Variants in FSTL5 observed in about 807,000 individuals in gnomAD.
The protein encoded by FSTL5 is follistatin-related protein 5.
Under a neutral mutation model 89.1 loss-of-function variants are expected in FSTL5, and 62 were observed. The ratio of observed to expected loss-of-function variants is 0.70; its 90% CI spans 0.57 to 0.86. The LOEUF (loss-of-function observed/expected upper bound fraction) is 0.86, where lower values mean the gene tolerates loss of function less well. Among genes scored for constraint, FSTL5 ranks in the 40% least tolerant of loss-of-function variants. The pLI is 0.00. For synonymous variants in FSTL5, 383 were observed against 346.2 expected (o/e 1.11, Z -1.18); for missense variants, 1,057 against 1,001.6 (o/e 1.06, Z -0.75).
chr4:161,922,981 A>C (rs952649662), intron 3 of FSTL5, among the ~76,000 whole-genome samples: 1 of 151,922 alleles, frequency 6.6e-6, no homozygotes, highest in African/African-American at 2.4e-5. Flanking sequence ...ACTGTACCCT[A>C]ACTTATTAGT....
chr4:161,643,118 A>C (rs1736023319), intron 7 of FSTL5, among the ~76,000 whole-genome samples: 1 of 152,190 alleles, frequency 6.6e-6, no homozygotes, highest in Admixed American at 6.5e-5. Context: ...TTAAGTATTC[A>C]TTAAGTGCTA....
chr4:161,917,200 C>A lies in FSTL5; in HGVS notation c.409+3204G>T, dbSNP rs542507539. On this transcript the variant is annotated intron_variant, in intron 4 of 15. Coordinates refer to ENST00000306100, the MANE Select transcript of FSTL5 (RefSeq NM_020116.5). Reference sequence around the variant, plus strand: ...ATTGAACTCCTGGCCTCGTGATCCACCCGCCTCGGCCTCCCAAAGTCCTGG... The same window carrying A: ...ATTGAACTCCTGGCCTCGTGATCCAACCGCCTCGGCCTCCCAAAGTCCTGG... Among the ~76,000 whole-genome samples, 8 of 152,276 alleles carry A rather than the reference C, an allele frequency of 5.3e-5. No homozygotes were observed. In the South Asian group the frequency reaches 1.7e-3, roughly 32 times the overall value.
intron 7 of FSTL5, among the ~76,000 whole-genome samples, chr4:161,644,485 C>T (rs1057214866): frequency 6.7e-6 from 1 of 150,094 alleles, no homozygotes; most frequent in Non-Finnish European, 1.5e-5. Flanking sequence ...GAGGCCGCAC[C>T]ATTGCACTGC....
chr4:161,761,942 T>C (rs1740825474), intron 5 of FSTL5, among the ~76,000 whole-genome samples: 1 of 152,184 alleles, frequency 6.6e-6, no homozygotes, highest in Non-Finnish European at 1.5e-5. Flanking sequence ...CTCTCCTTCA[T>C]GTGTCCTGAG....
chr4:161,775,152 A>C (rs1579082899), intron 5 of FSTL5, among the ~76,000 whole-genome samples: 1 of 152,276 alleles, frequency 6.6e-6, no homozygotes, highest in Admixed American at 6.5e-5. Flanking sequence ...AGCATATTAT[A>C]AAAATGGTCT....
chr4:161,530,116 T>G (rs773477114), intron 10 of FSTL5, among the ~76,000 whole-genome samples: 2 of 142,928 alleles, frequency 1.4e-5, no homozygotes, highest in Admixed American at 7.5e-5. Context: ...AGAGGTTAAT[T>G]AATTTGTTTA....
At chr4:161,730,137 C>A (rs1739556099) in intron 6 of FSTL5, among the ~76,000 whole-genome samples, 1 of 152,012 alleles carries the variant, frequency 6.6e-6, no homozygotes, top group Non-Finnish European at 1.5e-5. Flanking sequence ...GTCTAAGTTT[C>A]TGAGTTTTGT....
Position 161,925,633 on chromosome 4 carries a change from G to C in FSTL5, c.161-4981C>G, listed in dbSNP as rs182701701. On this transcript the variant is annotated intron_variant, in intron 3 of 15. Coordinates refer to ENST00000306100, the MANE Select transcript of FSTL5 (RefSeq NM_020116.5). ...ATCATGTGGTTGTTAAGAATATTAA[G>C]TAGAATAATGCACTGAAAATTCCTG... Among the ~76,000 whole-genome samples the C allele has an allele frequency of 3.4e-3, 521 of 151,904 alleles. 4 individuals are homozygous for C. Among genetic ancestry groups the C allele is most frequent in the African/African-American group, 0.012 (501 of 41,486 alleles).
chr4:161,834,584 G>A (rs1340909879), intron 4 of FSTL5, among the ~76,000 whole-genome samples: 1 of 152,138 alleles, frequency 6.6e-6, no homozygotes. Context: ...TCCTTAAGCT[G>A]ATAAGCAACT....
intron 4 of FSTL5, among the ~76,000 whole-genome samples, chr4:161,902,723 C>T (rs987687538): frequency 6.6e-6 from 1 of 152,014 alleles, no homozygotes; most frequent in African/African-American, 2.4e-5. Flanking sequence ...ATGGTGGGCG[C>T]CTGTAATCCC....
At chr4:161,984,679 A>T (rs1735913835) in intron 3 of FSTL5, among the ~76,000 whole-genome samples, 1 of 152,072 alleles carries the variant, frequency 6.6e-6, no homozygotes, top group Non-Finnish European at 1.5e-5. Flanking sequence ...AATTTACTTT[A>T]GCTTACAAAT....
chr4:161,446,866 T>A (rs142090506), intron 15 of FSTL5, among the ~76,000 whole-genome samples: 1 of 152,162 alleles, frequency 6.6e-6, no homozygotes, highest in African/African-American at 2.4e-5. Context: ...AACGGAGTAA[T>A]CTCTGCAACC....
intron 15 of FSTL5, among the ~76,000 whole-genome samples, chr4:161,426,363 A>C (rs1732167881): frequency 6.6e-6 from 1 of 152,224 alleles, no homozygotes; most frequent in Non-Finnish European, 1.5e-5. Flanking sequence ...TGAGAATATA[A>C]GAAAGAGTCA....
chr4:162,156,394 A>T (rs1733473423), intron 1 of FSTL5, among the ~76,000 whole-genome samples: 1 of 152,178 alleles, frequency 6.6e-6, no homozygotes, highest in Admixed American at 6.6e-5. Flanking sequence ...ATTACTGGGT[A>T]GATAGCCACA....
intron 15 of FSTL5, among the ~76,000 whole-genome samples, chr4:161,453,872 G>A (rs970609792): frequency 6.6e-6 from 1 of 152,138 alleles, no homozygotes; most frequent in African/African-American, 2.4e-5. Flanking sequence ...GGGATTACAT[G>A]GGAGAGCTAC....
chr4:161,721,478 T>C (rs1224013859), intron 6 of FSTL5, among the ~76,000 whole-genome samples: 1 of 152,058 alleles, frequency 6.6e-6, no homozygotes, highest in East Asian at 1.9e-4. Context: ...TATACTTATC[T>C]CCAAACTCAT....
At chr4:161,636,460 C>CTTTTTTTTT in intron 7 of FSTL5, among the ~76,000 whole-genome samples, 1 of 121,076 alleles carries the variant, frequency 8.3e-6, no homozygotes, top group Non-Finnish European at 1.7e-5. Context: ...TTTTTTTTTT[C>CTTTTTTTTT]TTTTTTTTTT....
intron 15 of FSTL5, among the ~76,000 whole-genome samples, chr4:161,427,798 A>G (rs1284831816): frequency 6.6e-6 from 1 of 152,220 alleles, no homozygotes; most frequent in African/African-American, 2.4e-5. Flanking sequence ...ATTATTTTTA[A>G]TCAAGAAGTT....
intron 7 of FSTL5, among the ~76,000 whole-genome samples, chr4:161,597,534 C>T (rs1414133604): frequency 2.6e-5 from 4 of 150,964 alleles, no homozygotes; most frequent in Non-Finnish European, 5.9e-5. Flanking sequence ...ATGTAAATGA[C>T]GAGTTAATGG....
Sources: allele counts gnomAD v4.1 joint callset (sites outside exome capture counted in the v4.1 genomes callset), GRCh38; gene constraint gnomAD v4.1.1; transcripts MANE v1.5; gene names NCBI Gene and HGNC (gene_info 2026-07-23, HGNC 2026-07-21).